SRD5A2: variants seen among roughly 807,000 people sequenced by gnomAD.
SRD5A2 encodes steroid 5 alpha-reductase 2, also known as 3-oxo-5-alpha-steroid 4-dehydrogenase 2.
In SRD5A2, 30 loss-of-function variants were observed where a neutral mutation model predicts 27.4. The ratio of observed to expected loss-of-function variants is 1.10; its 90% CI spans 0.82 to 1.49. The LOEUF (loss-of-function observed/expected upper bound fraction) is 1.49, where lower values mean the gene tolerates loss of function less well. SRD5A2 is among the 40% of genes most tolerant of loss of function. The pLI is 0.00. For missense variants in SRD5A2, 348 were observed against 323.4 expected (o/e 1.08, Z -0.58); for synonymous variants, 141 against 133.6 (o/e 1.06, Z -0.38).
chr2:31,528,500 G>A (rs1489298423), intron 4 of SRD5A2, among the ~76,000 whole-genome samples: 3 of 152,200 alleles, frequency 2.0e-5, no homozygotes, highest in African/African-American at 4.8e-5. Context: ...CAGGCGTGAT[G>A]GCTTTGCCTG....
At chr2:31,622,561 G>A in the SRD5A2 span, among the ~76,000 whole-genome samples, 16 of 152,206 alleles carry the variant, frequency 1.1e-4, no homozygotes, top group South Asian at 2.5e-3. Flanking sequence ...GTCGGGCATC[G>A]TCGTGGAGAA....
chr2:31,546,861 C>T (rs1342310491), intron 1 of SRD5A2, among the ~76,000 whole-genome samples: 2 of 152,110 alleles, frequency 1.3e-5, no homozygotes, highest in Admixed American at 6.5e-5. Context: ...CTTTGGGAGG[C>T]CAAGGAGGGC....
At chr2:31,551,107 G>A (rs1024896243) in intron 1 of SRD5A2, among the ~76,000 whole-genome samples, 2 of 151,930 alleles carry the variant, frequency 1.3e-5, no homozygotes, top group East Asian at 1.9e-4. Flanking sequence ...CCAAATTTAC[G>A]ATGACCCCAA....
chr2:31,605,259 C>A, the SRD5A2 span, among the ~76,000 whole-genome samples: 1 of 151,674 alleles, frequency 6.6e-6, no homozygotes, highest in Non-Finnish European at 1.5e-5. Flanking sequence ...TGGGTACTAC[C>A]CACAAGCACA....
upstream of SRD5A2, among the ~76,000 whole-genome samples, chr2:31,583,462 A>AT (rs1485461422): frequency 6.6e-6 from 1 of 152,102 alleles, no homozygotes; most frequent in African/African-American, 2.4e-5. Context: ...ACTGGTCTGT[A>AT]TTACATGCAA....
chr2:31,628,014 G>A, the SRD5A2 span, among the ~76,000 whole-genome samples: 4 of 152,002 alleles, frequency 2.6e-5, no homozygotes, highest in African/African-American at 4.8e-5. Context: ...TTGAATTTGG[G>A]TCCAAACATC....
chr2:31,654,003 C>A, the SRD5A2 span, among the ~76,000 whole-genome samples: 1 of 151,516 alleles, frequency 6.6e-6, no homozygotes, highest in African/African-American at 2.4e-5. Context: ...TTTCAATCTC[C>A]AGAATATGTA....
intron 1 of SRD5A2, among the ~76,000 whole-genome samples, chr2:31,552,539 T>C (rs1666400954): frequency 1.3e-5 from 2 of 151,792 alleles, no homozygotes; most frequent in African/African-American, 2.4e-5. Context: ...CTCTGTGAGA[T>C]TGGGAGAAAT....
intron 1 of SRD5A2, among the ~76,000 whole-genome samples, chr2:31,563,919 G>A (rs2208532): frequency 0.59 from 89,217 of 151,762 alleles, 26,604 homozygotes; most frequent in African/African-American, 0.67. Flanking sequence ...TCAGATCAAA[G>A]CCTGAAATGA....
At chr2:31,554,201 A>G (rs1308311439) in intron 1 of SRD5A2, among the ~76,000 whole-genome samples, 5 of 152,124 alleles carry the variant, frequency 3.3e-5, no homozygotes, top group Admixed American at 3.3e-4. Flanking sequence ...TCTAGGAGAA[A>G]GGGAAAAAGA....
intron 1 of SRD5A2, among the ~76,000 whole-genome samples, chr2:31,562,686 G>A (rs1385460584): frequency 2.0e-5 from 3 of 152,086 alleles, no homozygotes; most frequent in Admixed American, 6.6e-5. Context: ...GGAAAAGGAG[G>A]GAGAGGGGCA....
At chr2:31,645,320 C>T in the SRD5A2 span, among the ~76,000 whole-genome samples, 4 of 152,250 alleles carry the variant, frequency 2.6e-5, no homozygotes, top group East Asian at 1.9e-4. Context: ...TGCAACTCAA[C>T]GGATAAATGC....
the SRD5A2 span, among the ~76,000 whole-genome samples, chr2:31,635,852 T>A: frequency 1.3e-4 from 20 of 152,084 alleles, no homozygotes; most frequent in Non-Finnish European, 2.4e-4. Flanking sequence ...CAAAGATGAG[T>A]TAATTGTAAA....
chr2:31,583,731 G>A (rs898381025), upstream of SRD5A2, among the ~76,000 whole-genome samples: 3 of 149,564 alleles, frequency 2.0e-5, no homozygotes, highest in African/African-American at 4.9e-5. Context: ...TTTGAATTTC[G>A]GGTAAGTGGA....
At chr2:31,627,776 T>G in the SRD5A2 span, among the ~76,000 whole-genome samples, 1 of 152,124 alleles carries the variant, frequency 6.6e-6, no homozygotes, top group East Asian at 1.9e-4. Context: ...AATTGTATGG[T>G]TTTGAGTGAT....
At chr2:31,557,174 G>T (rs774458272) in intron 1 of SRD5A2, among the ~76,000 whole-genome samples, 7 of 152,172 alleles carry the variant, frequency 4.6e-5, no homozygotes. Context: ...ACCCCTGGTT[G>T]CACAAGCAAG....
the SRD5A2 span, among the ~76,000 whole-genome samples, chr2:31,614,008 G>A: frequency 3.3e-5 from 5 of 152,160 alleles, no homozygotes; most frequent in Non-Finnish European, 5.9e-5. Flanking sequence ...AGATTTGGGT[G>A]GGAACACAGC....
intron 1 of SRD5A2, among the ~76,000 whole-genome samples, chr2:31,577,418 T>C (rs905291126): frequency 2.0e-5 from 3 of 152,186 alleles, no homozygotes; most frequent in Non-Finnish European, 4.4e-5. Context: ...AGTTCATTCA[T>C]GCATTCAACA....
At chr2:31,528,571 C>A (rs1665830830) in intron 4 of SRD5A2, among the ~76,000 whole-genome samples, 1 of 152,092 alleles carries the variant, frequency 6.6e-6, no homozygotes, top group East Asian at 1.9e-4. Flanking sequence ...AGTTCAAGGA[C>A]AGCCTGGCCA....
Sources: allele counts gnomAD v4.1 joint callset (sites outside exome capture counted in the v4.1 genomes callset), GRCh38; gene constraint gnomAD v4.1.1; transcripts MANE v1.5; gene names NCBI Gene and HGNC (gene_info 2026-07-23, HGNC 2026-07-21).